Variants in DPYD observed in about 807,000 individuals in gnomAD.
DPYD encodes the protein dihydropyrimidine dehydrogenase.
DPYD carries 109 observed loss-of-function variants against 116.2 expected under a neutral mutation model. The observed-to-expected ratio is 0.94, with a 90% confidence interval of 0.80 to 1.10. The LOEUF (loss-of-function observed/expected upper bound fraction) is 1.10. DPYD is among the 50% of genes least tolerant of loss of function. The probability of loss-of-function intolerance (pLI) is 0.00; values close to 1 mark genes in which losing one functional copy is unlikely to be tolerated. For missense variants in DPYD, 1,302 were observed against 1,254.5 expected (o/e 1.04, Z -0.57); for synonymous variants, 440 against 432.0 (o/e 1.02, Z -0.23).
At chr1:97,346,995 A>T (rs1480091191) in intron 16 of DPYD, among the ~76,000 whole-genome samples, 1 of 151,670 alleles carries the variant, frequency 6.6e-6, no homozygotes, top group East Asian at 1.9e-4. Flanking sequence ...CATCCATATA[A>T]ATATATAAAT....
intron 19 of DPYD, among the ~76,000 whole-genome samples, chr1:97,198,093 T>C (rs1359819419): frequency 6.6e-6 from 1 of 152,192 alleles, no homozygotes; most frequent in East Asian, 1.9e-4. Context: ...TTGTTGCACA[T>C]ACAAATCAGG....
At chr1:97,481,890 TCACA>T (rs749611845) in intron 13 of DPYD, among the ~76,000 whole-genome samples, 2 of 151,916 alleles carry the variant, frequency 1.3e-5, no homozygotes, top group Non-Finnish European at 2.9e-5. Context: ...GTGTGTTCAT[TCACA>T]CACACACATA....
chr1:97,168,407 G>C (rs1656478400), intron 20 of DPYD, among the ~76,000 whole-genome samples: 2 of 152,174 alleles, frequency 1.3e-5, no homozygotes, highest in Non-Finnish European at 2.9e-5. Flanking sequence ...ATCAGTTAAA[G>C]CACAGGTATC....
intron 2 of DPYD, among the ~76,000 whole-genome samples, chr1:97,828,789 A>T (rs1669379695): frequency 6.6e-6 from 1 of 151,980 alleles, no homozygotes; most frequent in Non-Finnish European, 1.5e-5. Context: ...ACTAAAGTTA[A>T]AATCTTAAAA....
chr1:97,343,566 A>T (rs1297686169), intron 16 of DPYD, among the ~76,000 whole-genome samples: 1 of 152,160 alleles, frequency 6.6e-6, no homozygotes, highest in African/African-American at 2.4e-5. Context: ...CTATAGCAGC[A>T]AAATAATGTT....
At chr1:97,452,475 A>T (rs973466274) in intron 13 of DPYD, among the ~76,000 whole-genome samples, 6 of 152,122 alleles carry the variant, frequency 3.9e-5, no homozygotes, top group African/African-American at 1.4e-4. Context: ...AGAACCAAAG[A>T]CATTTATTGC....
At chr1:97,546,457 A>G in intron 12 of DPYD, 1 of 1,602,552 alleles carries the variant, frequency 6.2e-7, no homozygotes, top group South Asian at 1.1e-5. Flanking sequence ...AGATGATGGT[A>G]GTGACAGAGA....
At chr1:97,291,310 C>T (rs1666150894) in intron 18 of DPYD, among the ~76,000 whole-genome samples, 1 of 151,898 alleles carries the variant, frequency 6.6e-6, no homozygotes, top group Non-Finnish European at 1.5e-5. Context: ...CTAGAAATAC[C>T]ATTTGACCCA....
chr1:97,092,002 C>A (rs1021497909), intron 21 of DPYD, among the ~76,000 whole-genome samples: 2 of 152,082 alleles, frequency 1.3e-5, no homozygotes, highest in African/African-American at 2.4e-5. Flanking sequence ...AGTGTTCTTC[C>A]CCTGGATACC....
intron 3 of DPYD, among the ~76,000 whole-genome samples, chr1:97,787,728 T>C (rs529287578): frequency 2.0e-4 from 31 of 152,320 alleles, no homozygotes; most frequent in African/African-American, 7.0e-4. Flanking sequence ...AGAGCACTTT[T>C]GAAAACTAAG....
chr1:97,183,983 A>G (rs945779293), intron 20 of DPYD, among the ~76,000 whole-genome samples: 1 of 151,962 alleles, frequency 6.6e-6, no homozygotes, highest in African/African-American at 2.4e-5. Context: ...TATTCTCATT[A>G]TTTAGCTCCC....
intron 13 of DPYD, among the ~76,000 whole-genome samples, chr1:97,479,763 T>C (rs1018223457): frequency 6.6e-5 from 10 of 152,210 alleles, no homozygotes; most frequent in Non-Finnish European, 1.0e-4. Context: ...TGAGGTATGT[T>C]TGGAATAAGG....
chr1:97,303,237 A>G (rs1666967211), intron 18 of DPYD, among the ~76,000 whole-genome samples: 1 of 152,030 alleles, frequency 6.6e-6, no homozygotes, highest in South Asian at 2.1e-4. Context: ...GTGGCTATCC[A>G]AAATTAAACT....
intron 2 of DPYD, among the ~76,000 whole-genome samples, chr1:97,862,619 C>G (rs1671174597): frequency 6.6e-6 from 1 of 151,842 alleles, no homozygotes; most frequent in South Asian, 2.1e-4. Context: ...ACACTGTGCA[C>G]ACTGTGTGAT....
At chr1:97,531,585 T>C (rs979830929) in intron 12 of DPYD, among the ~76,000 whole-genome samples, 3 of 152,178 alleles carry the variant, frequency 2.0e-5, no homozygotes, top group Non-Finnish European at 4.4e-5. Context: ...GCTTTATTCT[T>C]ATTTAAAATT....
chr1:97,165,803 A>G (rs1482986688), intron 20 of DPYD, among the ~76,000 whole-genome samples: 1 of 152,218 alleles, frequency 6.6e-6, no homozygotes, highest in African/African-American at 2.4e-5. Flanking sequence ...CATGTGGCCA[A>G]CAAGTATATG....
At chr1:97,266,082 T>C (rs547596824) in intron 18 of DPYD, among the ~76,000 whole-genome samples, 2 of 152,336 alleles carry the variant, frequency 1.3e-5, no homozygotes, top group South Asian at 2.1e-4. Flanking sequence ...TTTTAGCTAA[T>C]AGGGACATCT....
intron 3 of DPYD, among the ~76,000 whole-genome samples, chr1:97,815,418 C>A (rs1184804730): frequency 7.2e-5 from 11 of 152,090 alleles, no homozygotes; most frequent in Middle Eastern, 3.4e-3. Flanking sequence ...GACATAGCTG[C>A]CAAGGAGAGT....
intron 14 of DPYD, among the ~76,000 whole-genome samples, chr1:97,431,209 A>G (rs1675159900): frequency 1.3e-5 from 2 of 152,162 alleles, no homozygotes; most frequent in Admixed American, 6.5e-5. Flanking sequence ...CTTGTTCAAT[A>G]CTAGGTTCTA....
Sources: gnomAD v4.1 joint callset for allele counts (sites outside exome capture counted in the v4.1 genomes callset) on GRCh38, gnomAD v4.1.1 for gene constraint, MANE v1.5 for transcripts, NCBI Gene and HGNC (gene_info 2026-07-23, HGNC 2026-07-21) for gene names.